SPC25: variants seen among roughly 807,000 people sequenced by gnomAD.
The protein encoded by SPC25 is SPC25 component of NDC80 kinetochore complex, also known as kinetochore protein Spc25.
SPC25 carries 22 observed loss-of-function variants against 29.6 expected under a neutral mutation model. That is an observed-to-expected ratio of 0.74 (90% CI 0.53 to 1.06). SPC25 has a LOEUF of 1.06. Among genes scored for constraint, SPC25 ranks in the 50% least tolerant of loss-of-function variants. The pLI is 0.00. For synonymous variants in SPC25, 91 were observed against 90.4 expected (o/e 1.01, Z -0.04); for missense variants, 230 against 255.8 (o/e 0.90, Z 0.69).
chr2:168,871,388 T>C lies in SPC25; in HGVS notation c.*43A>G, dbSNP rs376588548. On this transcript the variant is annotated 3_prime_UTR_variant, in exon 7 of 7. Coordinates refer to ENST00000282074, the MANE Select transcript of SPC25 (RefSeq NM_020675.4). ...AAACAAGAAAAAAAGAGATATGTAA[T>C]AGAGAAGAAAAATAAACCGTTTTTA... The C allele has an allele frequency of 2.1e-5, 32 of 1,531,334 alleles. No homozygotes were observed. The highest frequency in any genetic ancestry group is 3.5e-4 in the Middle Eastern group (2 of 5,750). The allele number at this position is 1,531,334 out of a possible 1,614,324, so 94.9% of individuals were successfully genotyped here.
At chr2:168,885,829 T>C (rs948302901) in intron 3 of SPC25, among the ~76,000 whole-genome samples, 12 of 152,210 alleles carry the variant, frequency 7.9e-5, no homozygotes, top group Admixed American at 7.9e-4. Flanking sequence ...TTAACCTCTC[T>C]GTGCTTATTT....
chr2:168,865,764 C>T (rs1689827010), intron 4 of SPC25, among the ~76,000 whole-genome samples: 1 of 135,084 alleles, frequency 7.4e-6, no homozygotes, highest in Admixed American at 7.2e-5. Flanking sequence ...TAAGCAACTT[C>T]AGCAAAGTCT....
At chr2:168,886,292 G>T (rs969414627) in intron 3 of SPC25, among the ~76,000 whole-genome samples, 9 of 152,110 alleles carry the variant, frequency 5.9e-5, no homozygotes, top group Admixed American at 5.9e-4. Flanking sequence ...CTGGACTCAG[G>T]CAATCCTCCT....
At chr2:168,885,646 G>T (rs1478622039) in intron 3 of SPC25, among the ~76,000 whole-genome samples, 2 of 149,402 alleles carry the variant, frequency 1.3e-5, no homozygotes, top group African/African-American at 5.0e-5. Context: ...AAGCTCTCAT[G>T]TTCCTGCCAT....
At chr2:168,889,871 G>A (rs1300343058) in intron 1 of SPC25, among the ~76,000 whole-genome samples, 1 of 152,136 alleles carries the variant, frequency 6.6e-6, no homozygotes, top group South Asian at 2.1e-4. Context: ...TCTGAACAGA[G>A]ATCATCAGGA....
downstream of SPC25, among the ~76,000 whole-genome samples, chr2:168,867,650 T>G (rs1351078325): frequency 1.3e-5 from 2 of 152,266 alleles, no homozygotes; most frequent in African/African-American, 4.8e-5. Flanking sequence ...GGCCATTACA[T>G]AATGGTAAAG....
intron 4 of SPC25, chr2:168,865,020 T>A (rs761628998): frequency 3.1e-6 from 5 of 1,591,486 alleles, no homozygotes; most frequent in Non-Finnish European, 4.3e-6. Context: ...AACAATACAG[T>A]GTGGTTCAAA....
chr2:168,868,848 T>G (rs2105818394), downstream of SPC25, among the ~76,000 whole-genome samples: 1 of 152,310 alleles, frequency 6.6e-6, no homozygotes, highest in Non-Finnish European at 1.5e-5. Flanking sequence ...CCTCCCTAAC[T>G]CATTCTATGA....
At chr2:168,886,693 G>T (rs1690270988) in intron 3 of SPC25, among the ~76,000 whole-genome samples, 1 of 151,706 alleles carries the variant, frequency 6.6e-6, no homozygotes, top group Admixed American at 6.6e-5. Flanking sequence ...CTAATTTTTT[G>T]TATTTTTAGT....
chr2:168,889,420 C>T lies in SPC25; in HGVS notation c.100G>A (p.Asp34Asn). ...GCTTTGATGGAATCCTTGTAGGTATCTCTTAGTCCCGCCATCTGACAGGAG... is the reference window on the plus strand; with the variant it reads ...GCTTTGATGGAATCCTTGTAGGTATTTCTTAGTCCCGCCATCTGACAGGAG... ...DTSCQMAGLR[D>N]TYKDSIKAFA... Residue 34 changes from aspartate (D) to asparagine (N), a missense_variant, in exon 2 of 7, where the codon GAT becomes AAT. Physicochemically the swap from Asp to Asn is conservative, Grantham distance 23 (BLOSUM62 1). Transcript: ENST00000282074. 1 of 1,614,126 alleles carries T rather than the reference C, an allele frequency of 6.2e-7. No homozygotes were observed. Among genetic ancestry groups the T allele is most frequent in the Non-Finnish European group, 8.5e-7 (1 of 1,180,018 alleles).
chr2:168,875,097 A>T (rs765630333), intron 5 of SPC25, among the ~76,000 whole-genome samples: 1 of 152,196 alleles, frequency 6.6e-6, no homozygotes, highest in Non-Finnish European at 1.5e-5. Flanking sequence ...TCTCTGGGAA[A>T]CAATTCTATG....
At position 168,889,430 on chromosome 2, in the gene SPC25, C is replaced by A. The variant is rs201517369; in HGVS notation, c.90G>T (p.Ala30=). 4 of 1,614,002 alleles carry A rather than the reference C, an allele frequency of 2.5e-6. No individual in the cohort carries two copies. The Admixed American group carries it at 5.0e-5, about 20-fold the overall frequency. The change falls in exon 2 of 7, where the codon GCG becomes GCT. Residue 30 remains alanine, a synonymous_variant. Coordinates refer to ENST00000282074, the MANE Select transcript of SPC25 (RefSeq NM_020675.4). ...AATCCTTGTAGGTATCTCTTAGTCC[C>A]GCCATCTGACAGGAGGTGTCCGTAC... ...FKSTDTSCQM[A]GLRDTYKDSI... is the part of the protein sequence containing the mutation.
chr2:168,878,511 G>C (rs1325433683), intron 3 of SPC25, among the ~76,000 whole-genome samples: 1 of 152,170 alleles, frequency 6.6e-6, no homozygotes, highest in African/African-American at 2.4e-5. Context: ...ATGCCAGTTA[G>C]CACTGTTATT....
chr2:168,864,658 G>C (rs1458043875), intron 4 of SPC25, among the ~76,000 whole-genome samples: 1 of 152,104 alleles, frequency 6.6e-6, no homozygotes, highest in Non-Finnish European at 1.5e-5. Context: ...GTATCCTCTG[G>C]ATTATGCCTG....
At position 168,889,379 on chromosome 2, in the gene SPC25, C is replaced by T; in HGVS notation, c.133+8G>A. ...AAAACCAGCATGTTACAAGTTAACACTAGGTACCTGCAAATGCTTTGATGG... is the reference window on the plus strand; with the variant it reads ...AAAACCAGCATGTTACAAGTTAACATTAGGTACCTGCAAATGCTTTGATGG... On this transcript the variant is annotated splice_region_variant and intron_variant, in intron 2 of 6. Coordinates refer to ENST00000282074, the MANE Select transcript of SPC25 (RefSeq NM_020675.4). The T allele has an allele frequency of 6.2e-7, 1 of 1,614,080 alleles. No individual in the cohort carries two copies. The highest frequency in any genetic ancestry group is 8.5e-7 in the Non-Finnish European group (1 of 1,179,996).
At chr2:168,869,244 A>G (rs1226228514), downstream of SPC25, among the ~76,000 whole-genome samples, 2 of 152,232 alleles carry the variant, frequency 1.3e-5, no homozygotes, top group Non-Finnish European at 2.9e-5. Flanking sequence ...ACCCACAGCC[A>G]ATATCATATG....
intron 4 of SPC25, chr2:168,863,785 CAA>C (rs1689648046): frequency 2.8e-6 from 1 of 361,150 alleles, no homozygotes; most frequent in South Asian, 1.1e-4. Flanking sequence ...GCCAAACAAT[CAA>C]AAACACCAGC....
chr2:168,889,080 T>C (rs1286105070), intron 3 of SPC25, 146 bp downstream of exon 3: 2 of 193,140 alleles, frequency 1.0e-5, no homozygotes, highest in African/African-American at 3.6e-5. Context: ...CACATATATA[T>C]ACATATATAT....
intron 4 of SPC25, chr2:168,865,034 G>C: frequency 6.4e-7 from 1 of 1,552,350 alleles, no homozygotes; most frequent in Non-Finnish European, 8.8e-7. Context: ...GTTCAAATAA[G>C]AATAAAGTGC....
Sources: gnomAD v4.1 joint callset for allele counts (sites outside exome capture counted in the v4.1 genomes callset) on GRCh38, gnomAD v4.1.1 for gene constraint, MANE v1.5 for transcripts, NCBI Gene and HGNC (gene_info 2026-07-23, HGNC 2026-07-21) for gene names.